The following SCN1A variants were observed in gnomAD, a reference collection of about 807,000 sequenced individuals.
SCN1A encodes sodium voltage-gated channel alpha subunit 1.
A neutral mutation model predicts 193.7 loss-of-function variants in SCN1A; 13 were observed. That is an observed-to-expected ratio of 0.07 (90% CI 0.04 to 0.11). SCN1A has a LOEUF of 0.11. Among genes scored for constraint, SCN1A ranks in the 10% least tolerant of loss-of-function variants. The pLI is 1.00. For synonymous variants in SCN1A, 781 were observed against 843.6 expected (o/e 0.93, Z 1.29); for missense variants, 1,432 against 2,451.1 (o/e 0.58, Z 8.78).
At chr2:166,101,571 G>A (rs1688086090) in intron 2 of SCN1A, among the ~76,000 whole-genome samples, 1 of 149,890 alleles carries the variant, frequency 6.7e-6, no homozygotes, top group African/African-American at 2.5e-5. Flanking sequence ...CAGAAATAAA[G>A]TCACACACAT....
At chr2:166,073,155 G>T in intron 4 of SCN1A, 1 of 619,352 alleles carries the variant, frequency 1.6e-6, no homozygotes, top group Non-Finnish European at 2.7e-6. Context: ...ATTTGTCATG[G>T]TGCATTTGGG....
At chr2:166,106,798 G>A (rs1039456768) in intron 2 of SCN1A, among the ~76,000 whole-genome samples, 16 of 152,110 alleles carry the variant, frequency 1.1e-4, no homozygotes, top group Non-Finnish European at 1.6e-4. Flanking sequence ...TCAAAATGTA[G>A]CATTAGAACC....
At chr2:166,002,814 A>T (rs1691115710) in intron 23 of SCN1A, 61 bp from the exon 24 acceptor site, 2 of 1,406,340 alleles carry the variant, frequency 1.4e-6, no homozygotes, top group Admixed American at 4.5e-5. Context: ...AAGAAAAAAA[A>T]TTCCCCTAGT....
chr2:166,148,887 G>C (rs1315086223), intron 1 of SCN1A, among the ~76,000 whole-genome samples: 1 of 152,192 alleles, frequency 6.6e-6, no homozygotes, highest in African/African-American at 2.4e-5. Context: ...TACTCCTTAA[G>C]TGTCTCAAAG....
chr2:166,000,400 A>C (rs546632994), intron 24 of SCN1A, among the ~76,000 whole-genome samples: 91 of 151,858 alleles, frequency 6.0e-4, no homozygotes, highest in East Asian at 2.1e-3. Flanking sequence ...ATAAGTTAAT[A>C]TGAATAAGAA....
In SCN1A at chr2:165,994,556, C is replaced by T. The variant is rs1014466515; in HGVS notation, c.4582-140G>A. On this transcript the variant is annotated intron_variant, in intron 27 of 28. Transcript: ENST00000674923. ...TGATTTTTGTAAGAATGATTTATAGCATATTAATTGTTAAAATTTAGTTAT... is the reference window on the plus strand; with the variant it reads ...TGATTTTTGTAAGAATGATTTATAGTATATTAATTGTTAAAATTTAGTTAT... 3 of 697,466 alleles carry T rather than the reference C, an allele frequency of 4.3e-6. No homozygotes were observed. The African/African-American group carries it at 5.4e-5, about 13-fold the overall frequency. 43.2% of individuals were successfully genotyped at this position (697,466 alleles called of 1,614,324 possible).
chr2:166,002,988 T>TA (rs952742390), intron 23 of SCN1A: 23 of 318,676 alleles, frequency 7.2e-5, no homozygotes, highest in South Asian at 3.0e-4. Flanking sequence ...AAAATGTTTT[T>TA]AAAAAAAAGG....
At chr2:166,065,100 G>A (rs1422261565) in intron 4 of SCN1A, among the ~76,000 whole-genome samples, 1 of 152,146 alleles carries the variant, frequency 6.6e-6, no homozygotes, top group African/African-American at 2.4e-5. Flanking sequence ...GTACAATTCT[G>A]AATGAATGGC....
intron 2 of SCN1A, among the ~76,000 whole-genome samples, chr2:166,110,489 C>T (rs548045249): frequency 5.3e-5 from 8 of 152,324 alleles, no homozygotes; most frequent in African/African-American, 1.7e-4. Flanking sequence ...CCAGCCATAA[C>T]ATTCCCTTGA....
intron 2 of SCN1A, chr2:166,104,239 C>T (rs1385627840): frequency 6.6e-6 from 1 of 152,128 alleles, no homozygotes; most frequent in Non-Finnish European, 1.5e-5. Flanking sequence ...CAACTTTAAT[C>T]TTTGCAGAAT....
chr2:166,097,471 C>T (rs1432952317), intron 2 of SCN1A, among the ~76,000 whole-genome samples: 3 of 152,242 alleles, frequency 2.0e-5, no homozygotes, highest in East Asian at 1.9e-4. Flanking sequence ...ATCAGATAAA[C>T]ACCATCTCTA....
intron 19 of SCN1A, among the ~76,000 whole-genome samples, chr2:166,031,253 G>A (rs1695518706): frequency 1.3e-5 from 2 of 152,038 alleles, no homozygotes; most frequent in Admixed American, 6.6e-5. Context: ...CACCACAGAT[G>A]TAAGAGGCAA....
intron 8 of SCN1A, 57 bp from the exon 9 acceptor site, chr2:166,052,045 T>C (rs1458162744): frequency 1.2e-5 from 18 of 1,488,680 alleles, no homozygotes; most frequent in Non-Finnish European, 1.4e-5. Flanking sequence ...TAATAAAAGC[T>C]TCACACAATT....
rs138669308 is a variant in SCN1A, at chr2:166,086,824, T to G, written c.-141-9023A>C. Among the ~76,000 whole-genome samples the G allele has an allele frequency of 5.3e-5, 8 of 152,284 alleles. No homozygotes were observed. In the East Asian group the frequency reaches 1.4e-3, roughly 26 times the overall value. ...ATACTGGTCTGGGTTAAAGAGACCCTCTAGGGATTATTATACAGTTTCGTC... is the reference window on the plus strand; with the variant it reads ...ATACTGGTCTGGGTTAAAGAGACCCGCTAGGGATTATTATACAGTTTCGTC... On this transcript the variant is annotated intron_variant, in intron 2 of 28. Transcript: ENST00000674923.
chr2:166,142,328 T>C (rs1692125017), intron 1 of SCN1A, among the ~76,000 whole-genome samples: 1 of 152,198 alleles, frequency 6.6e-6, no homozygotes, highest in Non-Finnish European at 1.5e-5. Flanking sequence ...TGACTGATAA[T>C]AGTTGTGTCT....
intron 2 of SCN1A, among the ~76,000 whole-genome samples, chr2:166,125,872 C>T (rs1270601752): frequency 1.3e-5 from 2 of 152,150 alleles, no homozygotes; most frequent in African/African-American, 4.8e-5. Flanking sequence ...CAGCACATTT[C>T]CCAGCAAGAG....
At chr2:166,146,996 A>G (rs1041646823) in intron 1 of SCN1A, among the ~76,000 whole-genome samples, 2 of 152,228 alleles carry the variant, frequency 1.3e-5, no homozygotes, top group Non-Finnish European at 2.9e-5. Context: ...TAACCAAATT[A>G]CTTCCCAGCA....
intron 2 of SCN1A, among the ~76,000 whole-genome samples, chr2:166,078,877 T>C (rs1380023545): frequency 6.6e-6 from 1 of 151,652 alleles, no homozygotes; most frequent in African/African-American, 2.4e-5. Context: ...GCAAGAACTA[T>C]TTAAAAGAAA....
chr2:166,133,613 A>G (rs550143256), intron 1 of SCN1A, among the ~76,000 whole-genome samples: 15 of 152,264 alleles, frequency 9.9e-5, no homozygotes, highest in African/African-American at 3.6e-4. Context: ...CTCTGTATAT[A>G]TCTTTAATTT....
Sources: gnomAD v4.1 joint callset for allele counts (sites outside exome capture counted in the v4.1 genomes callset) on GRCh38, gnomAD v4.1.1 for gene constraint, MANE v1.5 for transcripts, NCBI Gene and HGNC (gene_info 2026-07-23, HGNC 2026-07-21) for gene names.